The following ARHGEF3 variants were observed in gnomAD, a reference collection of about 807,000 sequenced individuals.
ARHGEF3 encodes Rho guanine nucleotide exchange factor 3.
ARHGEF3 carries 28 observed loss-of-function variants against 63.2 expected under a neutral mutation model. The ratio of observed to expected loss-of-function variants is 0.44; its 90% CI spans 0.33 to 0.61. The LOEUF (loss-of-function observed/expected upper bound fraction) is 0.61, where lower values mean the gene tolerates loss of function less well. Ranked by LOEUF, ARHGEF3 falls within the 20% of genes least tolerant of loss-of-function variation. ARHGEF3 has a pLI of 0.03. For missense variants in ARHGEF3, 533 were observed against 659.3 expected, an observed-to-expected ratio of 0.81 and a Z score of 2.10; for synonymous variants, 266 against 254.2, an observed-to-expected ratio of 1.05 and a Z score of -0.44.
At position 57,057,663 on chromosome 3, in the gene ARHGEF3, C is replaced by T. The variant is rs117702349; in HGVS notation, c.-28+21563G>A. Among the ~76,000 whole-genome samples the T allele has an allele frequency of 2.5e-3, 376 of 152,222 alleles. 3 individuals carry two copies. In the East Asian group the frequency reaches 0.035, roughly 14 times the overall value. ...TAAAATGTAAAAGTTTAAATACAAA[C>T]GGAGAAAGAATATAATGTACCCTCT... On this transcript the variant is annotated intron_variant, in intron 1 of 12. Transcript: ENST00000338458.
At chr3:56,884,255 AG>A (rs1244668682) in intron 3 of ARHGEF3, among the ~76,000 whole-genome samples, 2 of 151,898 alleles carry the variant, frequency 1.3e-5, no homozygotes, top group South Asian at 4.1e-4. Context: ...TAGAGTGCCT[AG>A]TACACAGTAG....
chr3:57,029,898 G>A (rs1399925710), intron 2 of ARHGEF3, among the ~76,000 whole-genome samples: 1 of 152,172 alleles, frequency 6.6e-6, no homozygotes, highest in Admixed American at 6.5e-5. Flanking sequence ...CCTCTGGAGG[G>A]TGGGGGAAGC....
At chr3:57,018,334 T>C in intron 2 of ARHGEF3, among the ~76,000 whole-genome samples, 2 of 151,898 alleles carry the variant, frequency 1.3e-5, no homozygotes, top group East Asian at 3.9e-4. Flanking sequence ...ATCAATTTGT[T>C]AGTAATAATA....
intron 1 of ARHGEF3, among the ~76,000 whole-genome samples, chr3:56,780,084 C>T (rs2036495781): frequency 6.6e-6 from 1 of 152,158 alleles, no homozygotes; most frequent in Non-Finnish European, 1.5e-5. Context: ...CACAAGATCA[C>T]GTATTTCAGG....
Position 56,921,071 on chromosome 3 carries a change from A to G in ARHGEF3, c.129+37752T>C, listed in dbSNP as rs569960860. ...CTCCATCTCAAAAAAAAAAAAAAAA[A>G]AAAAAACTCATGGGCCAGTGCAGTG... On this transcript the variant is annotated intron_variant, in intron 3 of 12. Coordinates refer to the ARHGEF3 transcript ENST00000338458. Among the ~76,000 whole-genome samples, 365 of 150,634 alleles carry G rather than the reference A, an allele frequency of 2.4e-3. 1 individual carries two copies. The highest frequency in any genetic ancestry group is 8.2e-3 in the African/African-American group (338 of 41,028).
At chr3:57,020,056 G>A (rs931466224) in intron 2 of ARHGEF3, among the ~76,000 whole-genome samples, 6 of 152,024 alleles carry the variant, frequency 3.9e-5, no homozygotes, top group Middle Eastern at 3.2e-3. Flanking sequence ...GCGCCACCTC[G>A]CCCAGCTAAT....
At chr3:57,002,551 T>TTA (rs146135938) in intron 2 of ARHGEF3, among the ~76,000 whole-genome samples, 36,711 of 103,550 alleles carry the variant, frequency 0.35, 7,331 homozygotes, top group Middle Eastern at 0.44. Context: ...ATATGTTATG[T>TTA]TATATATATG....
rs1284799681 is a variant in ARHGEF3, at chr3:56,809,578, G to C, written c.193-35762C>G. 2.0e-5 allele frequency among the ~76,000 whole-genome samples: 3 copies of C among 152,080 alleles called. No homozygotes were observed. The East Asian group carries it at 5.8e-4, about 29-fold the overall frequency. ...AATTTGAACTTATAACTATCAGCAG[G>C]CTTGTTCTGCCCACAGAAGTAATAA... On this transcript the variant is annotated intron_variant, in intron 4 of 12. Transcript: ENST00000338458.
At chr3:56,748,574 T>C (rs2034543932) in intron 6 of ARHGEF3, among the ~76,000 whole-genome samples, 1 of 151,236 alleles carries the variant, frequency 6.6e-6, no homozygotes, top group Non-Finnish European at 1.5e-5. Flanking sequence ...TTTGCTTCCA[T>C]GTACTCTGGC....
chr3:56,979,231 T>C (rs1437271880), intron 2 of ARHGEF3, among the ~76,000 whole-genome samples: 2 of 152,258 alleles, frequency 1.3e-5, no homozygotes, highest in African/African-American at 4.8e-5. Context: ...TTCCACATTG[T>C]GAAAATATGG....
intron 3 of ARHGEF3, among the ~76,000 whole-genome samples, chr3:56,946,648 T>C (rs982259410): frequency 5.9e-5 from 9 of 152,316 alleles, no homozygotes; most frequent in African/African-American, 1.9e-4. Context: ...ATTCTACGTC[T>C]GGTTGGTGTA....
intron 2 of ARHGEF3, among the ~76,000 whole-genome samples, chr3:56,961,942 G>A (rs1700299128): frequency 6.6e-6 from 1 of 152,204 alleles, no homozygotes. Flanking sequence ...CCACTTGGGA[G>A]GCTGAGGTAG....
chr3:56,791,389 G>A (rs1321240396), intron 1 of ARHGEF3, among the ~76,000 whole-genome samples: 1 of 152,150 alleles, frequency 6.6e-6, no homozygotes, highest in Non-Finnish European at 1.5e-5. Flanking sequence ...GCTGCAGTGA[G>A]CCATGATTGT....
rs534759168 is a variant in ARHGEF3 at position 57,057,181 on chromosome 3, G to A, written c.-27-22005C>T. Among the ~76,000 whole-genome samples the A allele has an allele frequency of 3.4e-4, 52 of 152,014 alleles. No homozygotes were observed. In the South Asian group the frequency reaches 4.0e-3, roughly 12 times the overall value. The stretch of plus-strand genomic sequence containing the variant: ...GGCTGGGGTGCAGCAGCATGATATC[G>A]GCTCACTGCAACCTCTGCCTCCTGA... On this transcript the variant is annotated intron_variant, in intron 1 of 12. Coordinates refer to the ARHGEF3 transcript ENST00000338458.
chr3:56,962,338 G>C (rs1279997125), intron 2 of ARHGEF3, among the ~76,000 whole-genome samples: 1 of 152,212 alleles, frequency 6.6e-6, no homozygotes, highest in Non-Finnish European at 1.5e-5. Flanking sequence ...ATCAGCAAAA[G>C]TCCAAGTGAG....
intron 2 of ARHGEF3, among the ~76,000 whole-genome samples, chr3:56,995,020 T>C (rs1335433077): frequency 6.6e-6 from 1 of 152,174 alleles, no homozygotes; most frequent in Non-Finnish European, 1.5e-5. Context: ...CCTTCTGCCA[T>C]GATTCTAAGT....
At chr3:57,059,257 T>A (rs924652889) in intron 1 of ARHGEF3, among the ~76,000 whole-genome samples, 2 of 152,016 alleles carry the variant, frequency 1.3e-5, no homozygotes, top group Non-Finnish European at 2.9e-5. Context: ...AGGGAAAAAA[T>A]TTTAAGCCTT....
intron 1 of ARHGEF3, among the ~76,000 whole-genome samples, chr3:56,797,936 A>G (rs1029064337): frequency 2.0e-5 from 3 of 152,260 alleles, no homozygotes; most frequent in African/African-American, 7.2e-5. Flanking sequence ...GGAATCCATC[A>G]GGAAATTTGA....
chr3:57,073,522 T>A, intron 1 of ARHGEF3: 1 of 1,052,692 alleles, frequency 9.5e-7, no homozygotes, highest in African/African-American at 1.6e-5. Context: ...GACTGTGGGG[T>A]TTGGCTCTGT....
Sources: allele counts gnomAD v4.1 joint callset (sites outside exome capture counted in the v4.1 genomes callset), GRCh38; gene constraint gnomAD v4.1.1; transcripts MANE v1.5; gene names NCBI Gene and HGNC (gene_info 2026-07-23, HGNC 2026-07-21).